IL15: variants seen among roughly 807,000 people sequenced by gnomAD.
IL15 encodes the protein interleukin 15.
In IL15, 11 loss-of-function variants were observed where a neutral mutation model predicts 19.6. The ratio of observed to expected loss-of-function variants is 0.56; its 90% confidence interval spans 0.35 to 0.93. The LOEUF (loss-of-function observed/expected upper bound fraction) is 0.93, where lower values mean the gene tolerates loss of function less well. Ranked by LOEUF, IL15 falls within the 40% of genes least tolerant of loss-of-function variation. The pLI is 0.01. For synonymous variants in IL15, 58 were observed against 59.6 expected (o/e 0.97, Z 0.12); for missense variants, 197 against 186.5 (o/e 1.06, Z -0.33).
chr4:141,654,422 A>G (rs1028595011), intron 1 of IL15, among the ~76,000 whole-genome samples: 5 of 152,226 alleles, frequency 3.3e-5, no homozygotes, highest in South Asian at 2.1e-4. Context: ...AGAATCTTCA[A>G]ATTTTTAAAG....
chr4:141,670,427 T>C (rs1204581139), intron 2 of IL15, among the ~76,000 whole-genome samples: 1 of 152,150 alleles, frequency 6.6e-6, no homozygotes. Flanking sequence ...AAAAACAATA[T>C]GAGTTCCTTA....
At chr4:141,666,658 C>G (rs930364734) in intron 2 of IL15, among the ~76,000 whole-genome samples, 1 of 151,976 alleles carries the variant, frequency 6.6e-6, no homozygotes, top group Non-Finnish European at 1.5e-5. Flanking sequence ...TGCTTCCCCC[C>G]ACTTTTTTTT....
At chr4:141,710,095 A>G (rs1362050745) in intron 2 of IL15, among the ~76,000 whole-genome samples, 1 of 152,190 alleles carries the variant, frequency 6.6e-6, no homozygotes, top group Non-Finnish European at 1.5e-5. Flanking sequence ...CCTTCTTTTT[A>G]TGACTGCATA....
chr4:141,640,136 G>A (rs1726994268), intron 1 of IL15, among the ~76,000 whole-genome samples: 1 of 152,114 alleles, frequency 6.6e-6, no homozygotes, highest in Admixed American at 6.5e-5. Flanking sequence ...TTGACAGAAA[G>A]CCTGAAGGAC....
At chr4:141,699,355 GGTAT>G (rs1729205411) in intron 2 of IL15, among the ~76,000 whole-genome samples, 1 of 152,062 alleles carries the variant, frequency 6.6e-6, no homozygotes, top group African/African-American at 2.4e-5. Context: ...TTTGTTCTAT[GGTAT>G]AGCTTAAGTC....
chr4:141,727,735 G>A (rs1234782420), intron 5 of IL15, among the ~76,000 whole-genome samples: 1 of 152,034 alleles, frequency 6.6e-6, no homozygotes, highest in African/African-American at 2.4e-5. Flanking sequence ...CTGTACTGTG[G>A]TTATGGAAGA....
intron 7 of IL15, 22 bp downstream of exon 7, chr4:141,730,006 T>C (rs12510030): frequency 0.48 from 756,831 of 1,585,482 alleles, 182,806 homozygotes; most frequent in South Asian, 0.57. Flanking sequence ...AACAGTTGCT[T>C]AGAGTTGCAT....
At position 141,733,063 on chromosome 4, in the gene IL15, T is replaced by A; in HGVS notation, c.*215T>A. 2.1e-6 allele frequency: 1 copy of A among 483,114 alleles called. No individual in the cohort carries two copies. Among genetic ancestry groups the A allele is most frequent in the Non-Finnish European group, 3.2e-6 (1 of 312,218 alleles). 29.9% of individuals were successfully genotyped at this position (483,114 alleles called of 1,614,324 possible). A position where few individuals can be genotyped will look rare whatever the true frequency, so the allele number is the denominator to read the frequency against. On this transcript the variant is annotated 3_prime_UTR_variant, in exon 8 of 8. Coordinates refer to ENST00000320650, the MANE Select transcript of IL15 (RefSeq NM_000585.5). ...CTATGAACTTCTCTCAGACTTACTT[T>A]ACTCATTTTTTTAATTTATTATTGA...
chr4:141,658,811 A>C (rs1393733400), intron 2 of IL15, among the ~76,000 whole-genome samples: 1 of 152,112 alleles, frequency 6.6e-6, no homozygotes, highest in African/African-American at 2.4e-5. Context: ...TTATAAACTG[A>C]AACTTACCCC....
chr4:141,662,685 G>A (rs1727833636), intron 2 of IL15, among the ~76,000 whole-genome samples: 2 of 152,010 alleles, frequency 1.3e-5, no homozygotes, highest in African/African-American at 4.8e-5. Context: ...AATTACCGAT[G>A]TATTTGTGTT....
Position 141,677,973 on chromosome 4 carries a change from T to C in IL15, c.-100+21666T>C, listed in dbSNP as rs114109022. On this transcript the variant is annotated intron_variant, in intron 2 of 7. Coordinates refer to ENST00000320650, the MANE Select transcript of IL15 (RefSeq NM_000585.5). ...GCAGAGTTAGAGGTCAAGCCTGGGTTTGGTTGAACTCCAGAGCTTTGTCTC... is the reference window on the plus strand; with the variant it reads ...GCAGAGTTAGAGGTCAAGCCTGGGTCTGGTTGAACTCCAGAGCTTTGTCTC... Among the ~76,000 whole-genome samples, 4 of 152,314 alleles carry C rather than the reference T, an allele frequency of 2.6e-5. No homozygotes were observed. The East Asian group carries it at 7.7e-4, about 29-fold the overall frequency.
intron 2 of IL15, among the ~76,000 whole-genome samples, chr4:141,671,729 C>T (rs928078022): frequency 6.6e-6 from 1 of 152,154 alleles, no homozygotes; most frequent in Non-Finnish European, 1.5e-5. Context: ...AGTTGGAAGT[C>T]ACACATTATT....
chr4:141,650,611 T>A (rs1727372687), intron 1 of IL15, among the ~76,000 whole-genome samples: 1 of 152,084 alleles, frequency 6.6e-6, no homozygotes, highest in Non-Finnish European at 1.5e-5. Context: ...AATTGAACAA[T>A]ACATTTAATT....
In IL15 at chr4:141,697,625, A is replaced by T. The variant is rs2152180230; in HGVS notation, c.-99-21741A>T. Among the ~76,000 whole-genome samples the T allele has an allele frequency of 2.6e-5, 4 of 152,172 alleles. No homozygotes were observed. In the South Asian group the frequency reaches 8.3e-4, roughly 32 times the overall value. On this transcript the variant is annotated intron_variant, in intron 2 of 7. Coordinates refer to ENST00000320650, the MANE Select transcript of IL15 (RefSeq NM_000585.5). ...CAATATGGTCATTTTCACAATATTG[A>T]TTCTACCCATCCATGAGCATGGGAC...
At chr4:141,703,857 T>C (rs1729419208) in intron 2 of IL15, among the ~76,000 whole-genome samples, 1 of 152,170 alleles carries the variant, frequency 6.6e-6, no homozygotes, top group Non-Finnish European at 1.5e-5. Context: ...TGATTTCCAT[T>C]TTAGCTAATT....
intron 2 of IL15, among the ~76,000 whole-genome samples, chr4:141,666,116 T>TTTATTTA (rs1560908816): frequency 3.9e-5 from 1 of 25,560 alleles, no homozygotes; most frequent in Non-Finnish European, 7.7e-5. Flanking sequence ...TTATTTATTT[T>TTTATTTA]TTGAGACGGA....
At chr4:141,719,750 G>A (rs997180527) in intron 3 of IL15, among the ~76,000 whole-genome samples, 1 of 152,038 alleles carries the variant, frequency 6.6e-6, no homozygotes, top group Non-Finnish European at 1.5e-5. Context: ...TCACTAAATT[G>A]TGTAGTCTTA....
At chr4:141,656,540 A>G (rs1455999578) in intron 2 of IL15, among the ~76,000 whole-genome samples, 1 of 152,192 alleles carries the variant, frequency 6.6e-6, no homozygotes, top group East Asian at 1.9e-4. Context: ...CTTAGTAAAT[A>G]TTATAGGCTT....
chr4:141,731,199 G>A (rs1025252850), intron 7 of IL15, among the ~76,000 whole-genome samples: 89 of 152,088 alleles, frequency 5.9e-4, no homozygotes, highest in Non-Finnish European at 1.2e-3. Flanking sequence ...CCTTCTCAGT[G>A]ATTTACCTAT....
Sources: allele counts gnomAD v4.1 joint callset (sites outside exome capture counted in the v4.1 genomes callset), GRCh38; gene constraint gnomAD v4.1.1; transcripts MANE v1.5; gene names NCBI Gene and HGNC (gene_info 2026-07-23, HGNC 2026-07-21).